ADARB2: variants seen among roughly 807,000 people sequenced by gnomAD.
ADARB2 encodes the protein adenosine deaminase RNA specific B2 (inactive).
Under a neutral mutation model 62.2 loss-of-function variants are expected in ADARB2, and 25 were observed. The observed-to-expected ratio is 0.40, with a 90% CI of 0.29 to 0.56. ADARB2 has a LOEUF of 0.56. Ranked by LOEUF, ADARB2 falls within the 20% of genes least tolerant of loss-of-function variation. The pLI, the probability that ADARB2 is intolerant of heterozygous loss-of-function variation, is 0.43. For missense variants in ADARB2, 1,071 were observed against 1,077.4 expected, an observed-to-expected ratio of 0.99 and a Z score of 0.08; for synonymous variants, 572 against 500.8, an observed-to-expected ratio of 1.14 and a Z score of -1.90.
chr10:1,728,135 G>A (rs1339654915), intron 1 of ADARB2, among the ~76,000 whole-genome samples: 1 of 152,276 alleles, frequency 6.6e-6, no homozygotes, highest in Middle Eastern at 3.4e-3. Flanking sequence ...CACCAATGTG[G>A]TTGTTGTTTC....
intron 1 of ADARB2, among the ~76,000 whole-genome samples, chr10:1,530,964 C>CTCAGCAG: frequency 6.6e-6 from 1 of 152,274 alleles, no homozygotes; most frequent in East Asian, 1.9e-4. Flanking sequence ...GCACGCAGGT[C>CTCAGCAG]TCAGCACTCA....
chr10:1,587,338 C>T (rs1046083264), intron 1 of ADARB2, among the ~76,000 whole-genome samples: 13 of 152,162 alleles, frequency 8.5e-5, no homozygotes, highest in African/African-American at 1.4e-4. Context: ...CAAAGGGGAA[C>T]GGCTGAGGTT....
chr10:1,648,230 T>G (rs777908269), intron 1 of ADARB2, among the ~76,000 whole-genome samples: 2 of 152,230 alleles, frequency 1.3e-5, no homozygotes, highest in Non-Finnish European at 2.9e-5. Flanking sequence ...ACTTTCCCCT[T>G]TGCTTCCTAA....
At chr10:1,504,193 C>T (rs1157112743) in intron 1 of ADARB2, among the ~76,000 whole-genome samples, 2 of 152,156 alleles carry the variant, frequency 1.3e-5, no homozygotes, top group Non-Finnish European at 2.9e-5. Context: ...CAGCTCCAAC[C>T]CCCTTTAAAT....
intron 1 of ADARB2, among the ~76,000 whole-genome samples, chr10:1,685,405 C>G (rs535427461): frequency 6.6e-6 from 1 of 152,316 alleles, no homozygotes; most frequent in East Asian, 1.9e-4. Flanking sequence ...CTTCACCTTT[C>G]CCCCTTCTTC....
intron 1 of ADARB2, among the ~76,000 whole-genome samples, chr10:1,617,057 G>A (rs545824338): frequency 6.7e-6 from 1 of 150,212 alleles, no homozygotes; most frequent in South Asian, 2.1e-4. Context: ...TGCCTCCTGG[G>A]AACTGACCTC....
At chr10:1,322,768 C>G (rs766254159) in intron 3 of ADARB2, among the ~76,000 whole-genome samples, 3 of 152,152 alleles carry the variant, frequency 2.0e-5, no homozygotes, top group Non-Finnish European at 2.9e-5. Context: ...AAAGGTATGG[C>G]ATTTATAATT....
At chr10:1,435,166 G>T (rs1830821266) in intron 1 of ADARB2, among the ~76,000 whole-genome samples, 1 of 152,246 alleles carries the variant, frequency 6.6e-6, no homozygotes, top group South Asian at 2.1e-4. Context: ...GTGTCCCCGG[G>T]CTGTGGATGC....
intron 1 of ADARB2, among the ~76,000 whole-genome samples, chr10:1,648,506 A>G (rs1165483615): frequency 6.6e-6 from 1 of 152,184 alleles, no homozygotes; most frequent in Middle Eastern, 3.2e-3. Flanking sequence ...TACAAAGTAA[A>G]TCACGTTGTG....
intron 1 of ADARB2, among the ~76,000 whole-genome samples, chr10:1,482,055 C>T (rs548063883): frequency 2.6e-4 from 39 of 152,114 alleles, no homozygotes; most frequent in African/African-American, 9.4e-4. Context: ...CACTTCATAC[C>T]CATGAGGATG....
At chr10:1,618,658 T>A (rs1875002) in intron 1 of ADARB2, among the ~76,000 whole-genome samples, 3 of 151,834 alleles carry the variant, frequency 2.0e-5, no homozygotes, top group African/African-American at 7.3e-5. Flanking sequence ...GATGCTCCCC[T>A]CTCAGGCTCC....
rs186699878 is a variant in ADARB2, at chr10:1,660,746, C to G, written c.100+76305G>C. On this transcript the variant is annotated intron_variant, in intron 1 of 9. Transcript: ENST00000381312. ...GCCCTGCACCTTGGCCCCAAAGTCTCTGAACTTTTGATCCGCACTGTGTCA... is the reference window on the plus strand; with the variant it reads ...GCCCTGCACCTTGGCCCCAAAGTCTGTGAACTTTTGATCCGCACTGTGTCA... Among the ~76,000 whole-genome samples the G allele has an allele frequency of 5.3e-5, 8 of 152,332 alleles. No homozygotes were observed. In the East Asian group the frequency reaches 1.5e-3, roughly 29 times the overall value.
chr10:1,258,896 G>A lies in ADARB2; in HGVS notation c.1192+12059C>T, dbSNP rs1399315580. On this transcript the variant is annotated intron_variant, in intron 4 of 9. Transcript: ENST00000381312. ...TATTCCAAAATTGACCACATAGTTG[G>A]AAGTAAAGCACTCCTCAGCAAATGT... Among the ~76,000 whole-genome samples, 4 of 152,120 alleles carry A rather than the reference G, an allele frequency of 2.6e-5. No individual in the cohort carries two copies. In the East Asian group the frequency reaches 7.7e-4, roughly 29 times the overall value.
At chr10:1,342,543 G>T (rs959923355) in intron 3 of ADARB2, among the ~76,000 whole-genome samples, 1 of 152,182 alleles carries the variant, frequency 6.6e-6, no homozygotes, top group South Asian at 2.1e-4. Flanking sequence ...CTTGGAGATC[G>T]CAGACCCATG....
At chr10:1,642,769 TCCCTCACTCACACA>T (rs1833993893) in intron 1 of ADARB2, among the ~76,000 whole-genome samples, 1 of 151,238 alleles carries the variant, frequency 6.6e-6, no homozygotes. Context: ...ACACTCACAC[TCCCTCACTCACACA>T]CCCACTCACA....
chr10:1,206,260 A>AT (rs1313842053), intron 7 of ADARB2, among the ~76,000 whole-genome samples: 1 of 152,116 alleles, frequency 6.6e-6, no homozygotes, highest in Admixed American at 6.5e-5. Flanking sequence ...GGTCCTAACG[A>AT]TTCCTCCTTA....
chr10:1,416,351 G>T (rs1255851447), intron 1 of ADARB2, among the ~76,000 whole-genome samples: 1 of 152,252 alleles, frequency 6.6e-6, no homozygotes, highest in Non-Finnish European at 1.5e-5. Flanking sequence ...CCCAACTGGG[G>T]TGAGTGTGCC....
At position 1,645,081 on chromosome 10, in the gene ADARB2, G is replaced by A. The variant is rs550596907; in HGVS notation, c.100+91970C>T. ...AAAAATGCCAACGCATGGAAAACTG[G>A]TGTCAGAGAGGAGAATCAGTGGGTC... On this transcript the variant is annotated intron_variant, in intron 1 of 9. Transcript: ENST00000381312. Among the ~76,000 whole-genome samples, 16 of 152,324 alleles carry A rather than the reference G, an allele frequency of 1.1e-4. No homozygotes were observed. The South Asian group carries it at 2.3e-3, about 22-fold the overall frequency.
chr10:1,409,569 A>G (rs1256836645), intron 1 of ADARB2, among the ~76,000 whole-genome samples: 1 of 148,412 alleles, frequency 6.7e-6, no homozygotes, highest in East Asian at 2.0e-4. Context: ...GGCCGTGGTC[A>G]TAGGGAAGGA....
Sources: gnomAD v4.1 joint callset for allele counts (sites outside exome capture counted in the v4.1 genomes callset) on GRCh38, gnomAD v4.1.1 for gene constraint, MANE v1.5 for transcripts, NCBI Gene and HGNC (gene_info 2026-07-23, HGNC 2026-07-21) for gene names.